SBNO1: variants seen among roughly 807,000 people sequenced by gnomAD.
SBNO1 encodes strawberry notch homolog 1, also known as protein strawberry notch homolog 1.
In SBNO1, 23 loss-of-function variants were observed where a neutral mutation model predicts 173.6. That is an observed-to-expected ratio of 0.13 (90% CI 0.10 to 0.19). The LOEUF is 0.19. SBNO1 is among the 10% of genes least tolerant of loss of function. SBNO1 has a pLI of 1.00. For synonymous variants in SBNO1, 632 were observed against 571.5 expected, an observed-to-expected ratio of 1.11 and a Z score of -1.51; for missense variants, 1,238 against 1,671.2, an observed-to-expected ratio of 0.74 and a Z score of 4.52.
chr12:123,324,661 G>C (rs1014847008), intron 15 of SBNO1, among the ~76,000 whole-genome samples: 1 of 152,098 alleles, frequency 6.6e-6, no homozygotes, highest in South Asian at 2.1e-4. Flanking sequence ...GCACAAAATA[G>C]TAGAGCAGCA....
chr12:123,311,665 T>C (rs1016743831), intron 24 of SBNO1, among the ~76,000 whole-genome samples: 3 of 142,344 alleles, frequency 2.1e-5, no homozygotes, highest in African/African-American at 5.3e-5. Context: ...GCAAGATTAC[T>C]GTCATTACTT....
At chr12:123,343,978 A>G (rs1272962340) in intron 4 of SBNO1, among the ~76,000 whole-genome samples, 1 of 152,090 alleles carries the variant, frequency 6.6e-6, no homozygotes, top group African/African-American at 2.4e-5. Flanking sequence ...ACTGTACTAG[A>G]TATCTTGTTC....
rs1198838110 is a variant in SBNO1 at position 123,317,200 on chromosome 12, A to T, written c.2935+21T>A. ...GATTCCTAGCTATCCATTAAGTGAA[A>T]TCCAGTTTGTAGGAACTTACCGAAC... On this transcript the variant is annotated intron_variant, in intron 21 of 31. Coordinates refer to ENST00000602398, the MANE Select transcript of SBNO1 (RefSeq NM_001167856.3). 1.2e-6 allele frequency: 2 copies of T among 1,613,112 alleles called. 1 individual carries two copies. The highest frequency in any genetic ancestry group is 2.2e-5 in the South Asian group (2 of 91,034).
rs188659836 is a variant in SBNO1 at position 123,324,586 on chromosome 12, T to A, written c.1974-755A>T. ...ATCCACCAGACTCAGCCTCCCAAAG[T>A]GCCTGGATTACAGGCGTGAGCCCCA... On this transcript the variant is annotated intron_variant, in intron 15 of 31. Coordinates refer to ENST00000602398, the MANE Select transcript of SBNO1 (RefSeq NM_001167856.3). 5.3e-5 allele frequency among the ~76,000 whole-genome samples: 8 copies of A among 152,042 alleles called. No individual in the cohort carries two copies. The East Asian group carries it at 1.6e-3, about 30-fold the overall frequency.
At chr12:123,318,200 G>A (rs1869516446) in intron 20 of SBNO1, among the ~76,000 whole-genome samples, 1 of 152,178 alleles carries the variant, frequency 6.6e-6, no homozygotes, top group Non-Finnish European at 1.5e-5. Flanking sequence ...AGTACTTTGA[G>A]AGGCCGAGGC....
chr12:123,294,320 A>T lies in SBNO1; in HGVS notation c.*1588T>A, dbSNP rs1309357482. On this transcript the variant is annotated 3_prime_UTR_variant, in exon 32 of 32. Transcript: ENST00000602398. ...CACACATCTCACCCAATTCTGCAAGAAGTTTACAAACAATTCAACTTAAAA... is the reference window on the plus strand; with the variant it reads ...CACACATCTCACCCAATTCTGCAAGTAGTTTACAAACAATTCAACTTAAAA... 1 of 152,202 alleles carries T rather than the reference A, an allele frequency of 6.6e-6. No homozygotes were observed. The highest frequency in any genetic ancestry group is 1.5e-5 in the Non-Finnish European group (1 of 68,054). The allele number at this position is 152,202 out of a possible 1,614,324, so 9.4% of individuals were successfully genotyped here.
chr12:123,332,329 T>A (rs1481076001), intron 7 of SBNO1, among the ~76,000 whole-genome samples: 1 of 151,998 alleles, frequency 6.6e-6, no homozygotes, highest in African/African-American at 2.4e-5. Context: ...TTTGCTCTTG[T>A]TGCCCAGGCT....
intron 15 of SBNO1, among the ~76,000 whole-genome samples, chr12:123,324,278 T>C (rs1870340825): frequency 1.3e-5 from 2 of 151,894 alleles, no homozygotes; most frequent in Non-Finnish European, 2.9e-5. Flanking sequence ...TCTAGGCAAT[T>C]ATGTACAGAA....
chr12:123,320,919 A>C, intron 17 of SBNO1, 53 bp from the exon 18 acceptor site: 1 of 1,353,954 alleles, frequency 7.4e-7, no homozygotes, highest in South Asian at 1.4e-5. Context: ...CAAGTACAGA[A>C]TCTTCAAAGG....
chr12:123,316,491 TG>T (rs1470769861), intron 21 of SBNO1, among the ~76,000 whole-genome samples: 1 of 152,154 alleles, frequency 6.6e-6, no homozygotes, highest in African/African-American at 2.4e-5. Context: ...GCCAAAGTGC[TG>T]GGATTACAGG....
chr12:123,292,927 C>A lies in SBNO1; in HGVS notation c.*2981G>T, dbSNP rs544734802. 1.3e-5 allele frequency: 2 copies of A among 152,170 alleles called. No homozygotes were observed. Among genetic ancestry groups the A allele is most frequent in the African/African-American group, 4.8e-5 (2 of 41,410 alleles). The allele number at this position is 152,170 out of a possible 1,614,324, so 9.4% of individuals were successfully genotyped here. A position where few individuals can be genotyped will look rare whatever the true frequency, so the allele number is the denominator to read the frequency against. On this transcript the variant is annotated 3_prime_UTR_variant, in exon 32 of 32. Coordinates refer to ENST00000602398, the MANE Select transcript of SBNO1 (RefSeq NM_001167856.3). Reference sequence around the variant, plus strand: ...TAGTGTATCTGGATAATCCCAGTAACTACAGACAGAGACCTTGTGGTATGG... The same window carrying A: ...TAGTGTATCTGGATAATCCCAGTAAATACAGACAGAGACCTTGTGGTATGG...
chr12:123,360,335 G>A (rs1298290266), intron 1 of SBNO1, among the ~76,000 whole-genome samples: 2 of 152,162 alleles, frequency 1.3e-5, no homozygotes, highest in Non-Finnish European at 1.5e-5. Flanking sequence ...AGGTTACTCA[G>A]TAGGACTAGC....
At chr12:123,309,465 C>T (rs1163639445) in intron 27 of SBNO1, 24 bp downstream of exon 27, 12 of 1,603,114 alleles carry the variant, frequency 7.5e-6, no homozygotes, top group Non-Finnish European at 9.4e-6. Context: ...GAAGACGATA[C>T]TTCACAACAT....
intron 30 of SBNO1, among the ~76,000 whole-genome samples, chr12:123,301,085 G>A (rs913633728): frequency 1.3e-5 from 2 of 151,318 alleles, no homozygotes; most frequent in Non-Finnish European, 2.9e-5. Context: ...TCAGCTCACC[G>A]CAACTTTTGC....
chr12:123,300,871 A>C (rs1228195456), intron 30 of SBNO1, among the ~76,000 whole-genome samples: 1 of 150,058 alleles, frequency 6.7e-6, no homozygotes, highest in Non-Finnish European at 1.5e-5. Context: ...AGGCAGGAGA[A>C]CTGCTTGAAC....
At chr12:123,361,657 C>T in intron 1 of SBNO1, among the ~76,000 whole-genome samples, 1 of 149,254 alleles carries the variant, frequency 6.7e-6, no homozygotes, top group Non-Finnish European at 1.5e-5. Flanking sequence ...TCACTTGAAC[C>T]AAGGAGCGGG....
At chr12:123,364,093 C>T in intron 1 of SBNO1, 4 of 985,506 alleles carry the variant, frequency 4.1e-6, no homozygotes, top group Non-Finnish European at 4.8e-6. Context: ...CAGAACTAAG[C>T]GAGTCGCCTG....
At chr12:123,362,479 G>T (rs184219456) in intron 1 of SBNO1, among the ~76,000 whole-genome samples, 10 of 148,006 alleles carry the variant, frequency 6.8e-5, no homozygotes, top group Non-Finnish European at 1.5e-4. Context: ...GGATTCTGAC[G>T]GGGGGGCCAA....
chr12:123,317,534 G>A (rs1185729199), intron 20 of SBNO1, among the ~76,000 whole-genome samples, 178 bp from the exon 21 acceptor site: 3 of 152,236 alleles, frequency 2.0e-5, no homozygotes, highest in East Asian at 3.9e-4. Context: ...AGCCAGCAAG[G>A]TGTAGGTAAA....
Sources: allele counts gnomAD v4.1 joint callset (sites outside exome capture counted in the v4.1 genomes callset), GRCh38; gene constraint gnomAD v4.1.1; transcripts MANE v1.5; gene names NCBI Gene and HGNC (gene_info 2026-07-23, HGNC 2026-07-21).